GPC5: variants seen among roughly 807,000 people sequenced by gnomAD.
GPC5 encodes glypican-5.
In GPC5, 47 loss-of-function variants were observed where a neutral mutation model predicts 53.9. The ratio of observed to expected loss-of-function variants is 0.87; its 90% CI spans 0.69 to 1.11. The LOEUF (loss-of-function observed/expected upper bound fraction) is 1.11, where lower values mean the gene tolerates loss of function less well. Among genes scored for constraint, GPC5 ranks in the 50% most tolerant of loss-of-function variants. The pLI, the probability that GPC5 is intolerant of heterozygous loss-of-function variation, is 0.00. For missense variants in GPC5, 748 were observed against 713.1 expected (o/e 1.05, Z -0.56); for synonymous variants, 286 against 263.3 (o/e 1.09, Z -0.84).
intron 7 of GPC5, among the ~76,000 whole-genome samples, chr13:92,751,743 T>TAAAAA (rs1206149253): frequency 1.8e-5 from 2 of 110,866 alleles, no homozygotes; most frequent in East Asian, 1.1e-3. Flanking sequence ...ACTTAAAGTA[T>TAAAAA]AAAAAAAAAT....
intron 7 of GPC5, among the ~76,000 whole-genome samples, chr13:92,328,299 T>G (rs563732236): frequency 3.9e-4 from 60 of 152,212 alleles, no homozygotes; most frequent in African/African-American, 1.3e-3. Context: ...TCTGGAGGAC[T>G]GCAAAACACA....
chr13:92,608,688 G>C (rs1884335682), intron 7 of GPC5, among the ~76,000 whole-genome samples: 1 of 152,104 alleles, frequency 6.6e-6, no homozygotes. Context: ...GTGTATACAT[G>C]TTTGCATGTG....
At chr13:91,632,209 T>G (rs920076267) in intron 2 of GPC5, among the ~76,000 whole-genome samples, 2 of 152,234 alleles carry the variant, frequency 1.3e-5, no homozygotes, top group South Asian at 4.1e-4. Flanking sequence ...TAAAATGATA[T>G]CCTTGTAAAA....
intron 2 of GPC5, among the ~76,000 whole-genome samples, chr13:91,612,298 C>A (rs1446622360): frequency 6.6e-6 from 1 of 152,112 alleles, no homozygotes; most frequent in African/African-American, 2.4e-5. Context: ...TACATTAATG[C>A]TATAGTAAAT....
At chr13:92,522,555 G>C (rs1413248522) in intron 7 of GPC5, among the ~76,000 whole-genome samples, 1 of 152,070 alleles carries the variant, frequency 6.6e-6, no homozygotes, top group Non-Finnish European at 1.5e-5. Flanking sequence ...ACTCATAGGT[G>C]GGAATTGAAC....
At chr13:92,576,835 A>G (rs1883203747) in intron 7 of GPC5, among the ~76,000 whole-genome samples, 1 of 152,182 alleles carries the variant, frequency 6.6e-6, no homozygotes, top group South Asian at 2.1e-4. Flanking sequence ...TAAACTTGAA[A>G]TCATGTACCA....
Position 91,407,449 on chromosome 13 carries a change from T to C in GPC5, c.163+8240T>C, listed in dbSNP as rs61018876. ...TTGCACAGCTGTTATCGTCATGTAG[T>C]GGGGTGACTGATCTGCCTTACAGCA... On this transcript the variant is annotated intron_variant, in intron 1 of 7. Transcript: ENST00000377067. Among the ~76,000 whole-genome samples, 821 of 152,318 alleles carry C rather than the reference T, an allele frequency of 5.4e-3. 11 individuals are homozygous for C. The highest frequency in any genetic ancestry group is 0.019 in the African/African-American group (799 of 41,562).
At chr13:92,335,539 C>T (rs779470724) in intron 7 of GPC5, among the ~76,000 whole-genome samples, 38 of 152,166 alleles carry the variant, frequency 2.5e-4, no homozygotes, top group Non-Finnish European at 2.9e-4. Flanking sequence ...ATTTCTGCAG[C>T]TCGCTTGAAT....
At chr13:92,527,537 C>T (rs911716091) in intron 7 of GPC5, among the ~76,000 whole-genome samples, 6 of 151,800 alleles carry the variant, frequency 4.0e-5, no homozygotes, top group East Asian at 1.9e-4. Context: ...AGTAAAATCA[C>T]GGCAGTAATG....
chr13:91,698,137 A>G (rs1233360081), intron 3 of GPC5, among the ~76,000 whole-genome samples: 1 of 152,088 alleles, frequency 6.6e-6, no homozygotes, highest in Non-Finnish European at 1.5e-5. Context: ...TCCTGACTTC[A>G]TGATCCACCC....
chr13:92,033,527 C>T (rs1039931170), intron 6 of GPC5, among the ~76,000 whole-genome samples: 2 of 152,144 alleles, frequency 1.3e-5, no homozygotes, highest in Middle Eastern at 3.2e-3. Flanking sequence ...TTGCCACTTC[C>T]TTTGTTGGAG....
At chr13:92,414,587 CA>C (rs1868318891) in intron 7 of GPC5, among the ~76,000 whole-genome samples, 1 of 151,686 alleles carries the variant, frequency 6.6e-6, no homozygotes, top group Non-Finnish European at 1.5e-5. Context: ...TTGATCTATT[CA>C]GAGACAGATG....
chr13:92,670,575 C>T (rs1886712399), intron 7 of GPC5, among the ~76,000 whole-genome samples: 1 of 152,128 alleles, frequency 6.6e-6, no homozygotes, highest in Non-Finnish European at 1.5e-5. Context: ...GATGATTTCT[C>T]ATTCTTTCCA....
chr13:92,270,606 G>A (rs1454215436), intron 7 of GPC5, among the ~76,000 whole-genome samples: 1 of 152,172 alleles, frequency 6.6e-6, no homozygotes, highest in African/African-American at 2.4e-5. Context: ...CAAGAACAGA[G>A]TAATACATAT....
chr13:92,699,054 C>G (rs1170489422), intron 7 of GPC5, among the ~76,000 whole-genome samples: 1 of 152,044 alleles, frequency 6.6e-6, no homozygotes, highest in East Asian at 1.9e-4. Flanking sequence ...CCGTCTGGTC[C>G]TAGACTTTTT....
intron 5 of GPC5, among the ~76,000 whole-genome samples, chr13:91,830,082 T>A (rs1157133112): frequency 6.6e-6 from 1 of 150,970 alleles, no homozygotes; most frequent in African/African-American, 2.4e-5. Context: ...GGGAGTGCTA[T>A]GGGAGATGGG....
intron 7 of GPC5, among the ~76,000 whole-genome samples, chr13:92,863,972 G>C (rs1879265507): frequency 1.3e-5 from 2 of 151,810 alleles, no homozygotes; most frequent in African/African-American, 4.8e-5. Flanking sequence ...AAATTACTTT[G>C]TTTTTCTTTA....
At chr13:92,633,631 T>C (rs1267887794) in intron 7 of GPC5, among the ~76,000 whole-genome samples, 1 of 152,136 alleles carries the variant, frequency 6.6e-6, no homozygotes, top group Non-Finnish European at 1.5e-5. Context: ...TTTGTTATAA[T>C]ACTTTTCTAT....
At chr13:91,507,932 T>C (rs1333872969) in intron 2 of GPC5, among the ~76,000 whole-genome samples, 1 of 152,208 alleles carries the variant, frequency 6.6e-6, no homozygotes, top group Non-Finnish European at 1.5e-5. Flanking sequence ...AATTGAAAAG[T>C]ATTATTTAAA....
Sources: gnomAD v4.1 joint callset for allele counts (sites outside exome capture counted in the v4.1 genomes callset) on GRCh38, gnomAD v4.1.1 for gene constraint, MANE v1.5 for transcripts, NCBI Gene and HGNC (gene_info 2026-07-23, HGNC 2026-07-21) for gene names.